CACNB4: variants seen among roughly 807,000 people sequenced by gnomAD.
CACNB4 encodes the protein voltage-dependent L-type calcium channel subunit beta-4.
A neutral mutation model predicts 71.2 loss-of-function variants in CACNB4; 32 were observed. The observed-to-expected ratio is 0.45, with a 90% CI of 0.34 to 0.60. CACNB4 has a LOEUF of 0.60. CACNB4 is among the 20% of genes least tolerant of loss of function. The pLI is 0.01. For missense variants in CACNB4, 464 were observed against 647.9 expected, an observed-to-expected ratio of 0.72 and a Z score of 3.08; for synonymous variants, 231 against 236.9, an observed-to-expected ratio of 0.97 and a Z score of 0.23.
intron 2 of CACNB4, among the ~76,000 whole-genome samples, chr2:151,974,650 T>C (rs923627621): frequency 1.3e-5 from 2 of 152,168 alleles, no homozygotes; most frequent in African/African-American, 4.8e-5. Context: ...GCACAAATCT[T>C]TAATAATCCT....
At chr2:151,913,643 G>A (rs1425573071) in intron 2 of CACNB4, among the ~76,000 whole-genome samples, 1 of 151,776 alleles carries the variant, frequency 6.6e-6, no homozygotes, top group Non-Finnish European at 1.5e-5. Flanking sequence ...ATGGGTATCT[G>A]TAGTCCCAGC....
At chr2:151,957,255 G>GGTGTGTGTGTGT (rs1560067172) in intron 2 of CACNB4, among the ~76,000 whole-genome samples, 1 of 24,940 alleles carries the variant, frequency 4.0e-5, no homozygotes, top group African/African-American at 7.0e-5. Flanking sequence ...AGAGTGGCTG[G>GGTGTGTGTGTGT]GCGTGTGTGT....
At chr2:152,068,085 G>T (rs1191170551) in intron 2 of CACNB4, among the ~76,000 whole-genome samples, 1 of 152,138 alleles carries the variant, frequency 6.6e-6, no homozygotes, top group African/African-American at 2.4e-5. Flanking sequence ...GACCTGCAAA[G>T]GAAAATGAAG....
intron 2 of CACNB4, among the ~76,000 whole-genome samples, chr2:152,080,010 T>C (rs1199196102): frequency 6.6e-6 from 1 of 152,192 alleles, no homozygotes; most frequent in Non-Finnish European, 1.5e-5. Flanking sequence ...TCCTACATAA[T>C]TGCTTTTATT....
chr2:151,982,088 A>G (rs1164320895), intron 2 of CACNB4, among the ~76,000 whole-genome samples: 2 of 152,180 alleles, frequency 1.3e-5, no homozygotes, highest in Non-Finnish European at 2.9e-5. Context: ...TTGGGTGCAC[A>G]CTGCTGAACT....
In CACNB4 at chr2:151,860,782, G is replaced by C; in HGVS notation, c.797C>G (p.Ala266Gly). The stretch of plus-strand genomic sequence containing the variant: ...GGGATTATTTAGGACAGACCTCTTA[G>C]CAAGAGAAATGTCAGCTGTCACTCT... ...ITRVTADISL[A>G]KRSVLNNPSK... The change falls in exon 10 of 14, where the codon GCT (alanine) becomes GGT (glycine). Residue 266 changes from alanine to glycine, a missense_variant. Physicochemically the swap from Ala to Gly is moderately conservative, Grantham distance 60. This residue lies in a region of CACNB4 where 299 missense variants were observed against 471.7 expected (regional missense o/e 0.63). Coordinates refer to ENST00000539935, the MANE Select transcript of CACNB4 (RefSeq NM_000726.5). 6.2e-7 allele frequency: 1 copy of C among 1,613,410 alleles called. No homozygotes were observed. Among genetic ancestry groups the C allele is most frequent in the East Asian group, 2.2e-5 (1 of 44,876 alleles).
chr2:151,894,890 CA>C (rs1484700782), intron 2 of CACNB4, among the ~76,000 whole-genome samples: 1 of 151,812 alleles, frequency 6.6e-6, no homozygotes, highest in Admixed American at 6.6e-5. Context: ...ACAAAAACTA[CA>C]AAACACTGAT....
At chr2:151,846,383 A>G (rs957512047) in intron 12 of CACNB4, among the ~76,000 whole-genome samples, 7 of 152,338 alleles carry the variant, frequency 4.6e-5, no homozygotes, top group African/African-American at 1.7e-4. Context: ...CTTAATGACT[A>G]TAAAATACAT....
At position 151,839,031 on chromosome 2, in the gene CACNB4, G is replaced by A. The variant is rs186852918; in HGVS notation, c.*88C>T. On this transcript the variant is annotated 3_prime_UTR_variant, in exon 14 of 14. Transcript: ENST00000539935. ...AGCCCATTAGCACAGTAAATACTGT[G>A]CTATGTTAGCCAAGTTAAGATGATT... The A allele has an allele frequency of 2.1e-5, 25 of 1,204,710 alleles. No homozygotes were observed. The East Asian group carries it at 5.7e-4, about 27-fold the overall frequency. 74.6% of individuals were successfully genotyped at this position (1,204,710 alleles called of 1,614,324 possible).
intron 2 of CACNB4, among the ~76,000 whole-genome samples, chr2:151,965,714 T>A (rs2099870906): frequency 6.9e-6 from 1 of 145,214 alleles, no homozygotes; most frequent in Non-Finnish European, 1.5e-5. Flanking sequence ...AGAAATTTAC[T>A]TCTCAGAAAG....
At chr2:152,009,383 A>T (rs184877057) in intron 2 of CACNB4, among the ~76,000 whole-genome samples, 3 of 152,270 alleles carry the variant, frequency 2.0e-5, no homozygotes, top group African/African-American at 7.2e-5. Flanking sequence ...TGGGACAGAA[A>T]AAAGGTCATT....
chr2:152,092,305 T>C (rs1483343764), intron 2 of CACNB4, among the ~76,000 whole-genome samples: 1 of 152,272 alleles, frequency 6.6e-6, no homozygotes, highest in Admixed American at 6.5e-5. Context: ...GCGCAAAGCA[T>C]ATACCTTCTG....
At chr2:152,079,064 T>C (rs1046460794) in intron 2 of CACNB4, among the ~76,000 whole-genome samples, 22 of 151,794 alleles carry the variant, frequency 1.4e-4, no homozygotes, top group Non-Finnish European at 4.4e-5. Flanking sequence ...GAGTGCAAAA[T>C]AAACCTGTGT....
intron 2 of CACNB4, among the ~76,000 whole-genome samples, chr2:152,084,444 G>T (rs1008612341): frequency 6.6e-6 from 1 of 152,228 alleles, no homozygotes; most frequent in African/African-American, 2.4e-5. Flanking sequence ...TCAATGAGCA[G>T]GGGAGCTGTG....
intron 2 of CACNB4, among the ~76,000 whole-genome samples, chr2:151,918,250 A>G (rs1250089674): frequency 1.3e-5 from 2 of 152,206 alleles, no homozygotes; most frequent in Non-Finnish European, 2.9e-5. Context: ...AGTCTATTAT[A>G]TCATTTGCTC....
At chr2:151,846,884 A>AT (rs2099837730) in intron 12 of CACNB4, among the ~76,000 whole-genome samples, 1 of 152,168 alleles carries the variant, frequency 6.6e-6, no homozygotes, top group Non-Finnish European at 1.5e-5. Context: ...TCATTACTGA[A>AT]TATTAGCTAG....
chr2:152,027,777 G>A (rs1684054377), intron 2 of CACNB4, among the ~76,000 whole-genome samples: 1 of 149,790 alleles, frequency 6.7e-6, no homozygotes, highest in Non-Finnish European at 1.5e-5. Context: ...GCTTGAACCC[G>A]GGAGGCGGAG....
intron 2 of CACNB4, among the ~76,000 whole-genome samples, chr2:152,002,908 G>A (rs1320314890): frequency 6.6e-6 from 1 of 152,204 alleles, no homozygotes; most frequent in Admixed American, 6.5e-5. Flanking sequence ...GCATTTTTGA[G>A]TTTAGCAGAA....
chr2:151,855,144 C>T (rs2099839959), intron 11 of CACNB4, 80 bp downstream of exon 11: 4 of 881,264 alleles, frequency 4.5e-6, no homozygotes, highest in Non-Finnish European at 6.9e-6. Flanking sequence ...TCTCCTTTGT[C>T]CACTAACAAA....
Sources: gnomAD v4.1 joint callset for allele counts (sites outside exome capture counted in the v4.1 genomes callset) on GRCh38, gnomAD v4.1.1 for gene constraint, gnomAD v4.1.1 regional missense constraint, MANE v1.5 for transcripts, NCBI Gene and HGNC (gene_info 2026-07-23, HGNC 2026-07-21) for gene names.